The following FGD4 variants were observed in gnomAD, a reference collection of about 807,000 sequenced individuals.
The protein encoded by FGD4 is FYVE, RhoGEF and PH domain-containing protein 4.
A neutral mutation model predicts 102.0 loss-of-function variants in FGD4; 42 were observed. The observed-to-expected ratio is 0.41, with a 90% CI of 0.32 to 0.53. The LOEUF (loss-of-function observed/expected upper bound fraction) is 0.53. Ranked by LOEUF, FGD4 falls within the 20% of genes least tolerant of loss-of-function variation. The pLI is 0.21. For missense variants in FGD4, 902 were observed against 1,078.2 expected, an observed-to-expected ratio of 0.84 and a Z score of 2.29; for synonymous variants, 380 against 375.7, an observed-to-expected ratio of 1.01 and a Z score of -0.13.
At chr12:32,624,875 T>C in intron 12 of FGD4, 101 bp from the exon 13 acceptor site, 2 of 1,034,744 alleles carry the variant, frequency 1.9e-6, no homozygotes, top group Non-Finnish European at 3.0e-6. Flanking sequence ...TTCACTTAAT[T>C]TTCAAAGTGA....
chr12:32,528,023 G>T (rs907130249), intron 1 of FGD4, among the ~76,000 whole-genome samples: 2 of 151,684 alleles, frequency 1.3e-5, no homozygotes, highest in Non-Finnish European at 2.9e-5. Context: ...GAAGTGCAGT[G>T]CTGTGATCTC....
At chr12:32,470,874 T>C (rs896650869) in intron 1 of FGD4, among the ~76,000 whole-genome samples, 1 of 152,222 alleles carries the variant, frequency 6.6e-6, no homozygotes, top group African/African-American at 2.4e-5. Flanking sequence ...GATTGGGCTG[T>C]ATTCTGGTCT....
At chr12:32,597,740 A>G (rs1948026868) in intron 4 of FGD4, among the ~76,000 whole-genome samples, 1 of 152,276 alleles carries the variant, frequency 6.6e-6, no homozygotes, top group African/African-American at 2.4e-5. Flanking sequence ...AGTGGAATTA[A>G]TACAAAATAA....
intron 1 of FGD4, among the ~76,000 whole-genome samples, chr12:32,433,989 A>G (rs1300472434): frequency 2.6e-5 from 4 of 151,826 alleles, no homozygotes; most frequent in Middle Eastern, 3.2e-3. Flanking sequence ...CCGAGTAGCT[A>G]GGACTACAGG....
At chr12:32,414,082 C>A (rs545956001) in intron 1 of FGD4, among the ~76,000 whole-genome samples, 2 of 151,636 alleles carry the variant, frequency 1.3e-5, no homozygotes, top group African/African-American at 4.8e-5. Context: ...AGGGATTCTC[C>A]TGCCTCAGCC....
chr12:32,640,508 A>T lies in FGD4; in HGVS notation c.2687A>T (p.Glu896Val). The change falls in exon 17 of 17, where the codon GAA (glutamate) becomes GTA (valine). Residue 896 changes from glutamate (E) to valine (V), a missense_variant. Coordinates refer to ENST00000534526, the MANE Select transcript of FGD4 (RefSeq NM_001370298.3). ...EHPATLDDHP[E>V]PKKKSEC The stretch of plus-strand genomic sequence containing the variant: ...CCAGCCACCTTGGATGATCATCCTG[A>T]ACCTAAGAAAAAATCAGAATGCTGA... 3.7e-6 allele frequency: 6 copies of T among 1,614,046 alleles called. No homozygotes were observed. The highest frequency in any genetic ancestry group is 5.1e-6 in the Non-Finnish European group (6 of 1,180,014).
chr12:32,577,584 G>A (rs1004164989), intron 3 of FGD4, among the ~76,000 whole-genome samples: 12 of 152,258 alleles, frequency 7.9e-5, no homozygotes, highest in African/African-American at 2.9e-4. Context: ...AAAGTTACAA[G>A]TTCTGGAGAG....
intron 3 of FGD4, among the ~76,000 whole-genome samples, chr12:32,577,916 ACT>A (rs1481967565): frequency 6.6e-6 from 1 of 151,984 alleles, no homozygotes; most frequent in Non-Finnish European, 1.5e-5. Flanking sequence ...TTCAGGGATA[ACT>A]CTCTGAAGCC....
intron 1 of FGD4, among the ~76,000 whole-genome samples, chr12:32,563,245 G>GAT (rs1944821286): frequency 6.6e-6 from 1 of 151,714 alleles, no homozygotes; most frequent in African/African-American, 2.4e-5. Flanking sequence ...CTTCTCAGAC[G>GAT]GGGCGGTTGC....
intron 1 of FGD4, among the ~76,000 whole-genome samples, chr12:32,416,511 G>A (rs764543781): frequency 6.6e-6 from 1 of 151,588 alleles, no homozygotes; most frequent in Admixed American, 6.6e-5. Context: ...TCCATTGTAC[G>A]TTGGACATGC....
At chr12:32,607,527 T>C (rs1161094696) in intron 7 of FGD4, among the ~76,000 whole-genome samples, 2 of 152,042 alleles carry the variant, frequency 1.3e-5, no homozygotes, top group Non-Finnish European at 2.9e-5. Context: ...TTGTTGTTGT[T>C]TTTTTTGAGA....
chr12:32,515,188 A>T (rs1939770031), intron 1 of FGD4, among the ~76,000 whole-genome samples: 1 of 152,214 alleles, frequency 6.6e-6, no homozygotes, highest in Non-Finnish European at 1.5e-5. Context: ...ACACCATGGG[A>T]TTAGAACAGG....
At chr12:32,607,923 T>G in intron 7 of FGD4, 34 bp from the exon 8 acceptor site, 2 of 1,613,844 alleles carry the variant, frequency 1.2e-6, no homozygotes. Flanking sequence ...AACCTAATTT[T>G]TAAATGTTTC....
At chr12:32,600,954 C>T (rs943062777) in intron 5 of FGD4, among the ~76,000 whole-genome samples, 1 of 152,146 alleles carries the variant, frequency 6.6e-6, no homozygotes, top group Non-Finnish European at 1.5e-5. Context: ...TTTCACATTT[C>T]CTAACTCTGG....
intron 1 of FGD4, among the ~76,000 whole-genome samples, chr12:32,471,142 C>A (rs1943406101): frequency 6.6e-6 from 1 of 152,168 alleles, no homozygotes; most frequent in South Asian, 2.1e-4. Context: ...TCCCCCCAAC[C>A]CCCACACCAA....
At chr12:32,425,487 A>G (rs1211790598) in intron 1 of FGD4, among the ~76,000 whole-genome samples, 1 of 152,210 alleles carries the variant, frequency 6.6e-6, no homozygotes, top group Non-Finnish European at 1.5e-5. Flanking sequence ...CTTGCAGTAC[A>G]GTTTGAAGTC....
At chr12:32,531,715 A>T (rs1251559803) in intron 1 of FGD4, among the ~76,000 whole-genome samples, 1 of 152,242 alleles carries the variant, frequency 6.6e-6, no homozygotes, top group African/African-American at 2.4e-5. Context: ...ATGATTATGA[A>T]TAAAGGCTCT....
intron 1 of FGD4, among the ~76,000 whole-genome samples, chr12:32,473,685 T>C (rs1943500593): frequency 6.6e-6 from 1 of 152,276 alleles, no homozygotes; most frequent in East Asian, 1.9e-4. Flanking sequence ...TGAAGACCTA[T>C]GAATTAAAAG....
intron 10 of FGD4, among the ~76,000 whole-genome samples, chr12:32,618,620 C>T (rs1286058078): frequency 6.6e-6 from 1 of 152,012 alleles, no homozygotes. Flanking sequence ...TTATTTGAGA[C>T]CAGGAGTTAA....
Sources: allele counts gnomAD v4.1 joint callset (sites outside exome capture counted in the v4.1 genomes callset), GRCh38; gene constraint gnomAD v4.1.1; transcripts MANE v1.5; gene names NCBI Gene and HGNC (gene_info 2026-07-23, HGNC 2026-07-21).